BRINP3: variants seen among roughly 807,000 people sequenced by gnomAD.
BRINP3 encodes BMP/retinoic acid-inducible neural-specific protein 3.
In BRINP3, 19 loss-of-function variants were observed where a neutral mutation model predicts 71.0. That is an observed-to-expected ratio of 0.27 (90% confidence interval 0.19 to 0.39). The LOEUF is 0.39. Ranked by LOEUF, BRINP3 falls within the 10% of genes least tolerant of loss-of-function variation. The pLI is 1.00. For missense variants in BRINP3, 959 were observed against 940.8 expected, an observed-to-expected ratio of 1.02 and a Z score of -0.25; for synonymous variants, 380 against 337.7, an observed-to-expected ratio of 1.13 and a Z score of -1.37.
chr1:190,105,037 A>G (rs970968330), intron 7 of BRINP3, among the ~76,000 whole-genome samples: 1 of 152,104 alleles, frequency 6.6e-6, no homozygotes, highest in Non-Finnish European at 1.5e-5. Flanking sequence ...ATTTGGAATT[A>G]GGCATCCACA....
intron 2 of BRINP3, among the ~76,000 whole-genome samples, chr1:190,382,023 A>G (rs1670580833): frequency 6.6e-6 from 1 of 152,170 alleles, no homozygotes; most frequent in Admixed American, 6.6e-5. Flanking sequence ...CACATATTGC[A>G]TACGACCATT....
chr1:190,111,552 CTTAGAG>C (rs1019516359), intron 7 of BRINP3, among the ~76,000 whole-genome samples: 8 of 152,044 alleles, frequency 5.3e-5, no homozygotes, highest in African/African-American at 1.9e-4. Flanking sequence ...TCCAGTTTCC[CTTAGAG>C]TTAGAGGTAG....
chr1:190,470,170 G>A (rs1161544024), intron 1 of BRINP3, among the ~76,000 whole-genome samples: 3 of 150,884 alleles, frequency 2.0e-5, no homozygotes, highest in Non-Finnish European at 3.0e-5. Context: ...ATTAACAAAT[G>A]CAACAGTCCA....
At chr1:190,417,183 A>T (rs952727817) in intron 2 of BRINP3, among the ~76,000 whole-genome samples, 1 of 152,242 alleles carries the variant, frequency 6.6e-6, no homozygotes, top group South Asian at 2.1e-4. Flanking sequence ...TAAGGTAAAT[A>T]AAACTCGTTT....
chr1:190,419,694 C>T (rs1037866559), intron 2 of BRINP3, among the ~76,000 whole-genome samples: 4 of 147,870 alleles, frequency 2.7e-5, no homozygotes, highest in African/African-American at 9.8e-5. Flanking sequence ...CATTTATACA[C>T]ACACACACAC....
intron 3 of BRINP3, among the ~76,000 whole-genome samples, chr1:190,270,110 G>T (rs1229339501): frequency 2.0e-5 from 3 of 151,690 alleles, no homozygotes; most frequent in Admixed American, 2.0e-4. Flanking sequence ...ATAAGAAAAG[G>T]GTAGATACAA....
chr1:190,439,813 T>C (rs1674699014), intron 2 of BRINP3, among the ~76,000 whole-genome samples: 1 of 151,994 alleles, frequency 6.6e-6, no homozygotes, highest in Non-Finnish European at 1.5e-5. Context: ...TTTCCTATAA[T>C]AAAGCATTCA....
At chr1:190,403,178 C>G (rs1023408476) in intron 2 of BRINP3, among the ~76,000 whole-genome samples, 1 of 151,976 alleles carries the variant, frequency 6.6e-6, no homozygotes, top group African/African-American at 2.4e-5. Flanking sequence ...AACGAATACA[C>G]CAAAAAGAAA....
chr1:190,212,930 A>G (rs1656111831), intron 6 of BRINP3, among the ~76,000 whole-genome samples: 1 of 152,056 alleles, frequency 6.6e-6, no homozygotes, highest in African/African-American at 2.4e-5. Context: ...ATTATTGCAA[A>G]TTGATTTTAA....
chr1:190,420,317 G>C (rs184920388), intron 2 of BRINP3, among the ~76,000 whole-genome samples: 1 of 152,058 alleles, frequency 6.6e-6, no homozygotes, highest in East Asian at 1.9e-4. Context: ...TAGCATGTGT[G>C]CAAAAAGTTG....
At chr1:190,335,863 A>T (rs1667253218) in intron 2 of BRINP3, among the ~76,000 whole-genome samples, 1 of 151,972 alleles carries the variant, frequency 6.6e-6, no homozygotes, top group South Asian at 2.1e-4. Context: ...TGGTAGACAA[A>T]CTCAAGGAAT....
intron 1 of BRINP3, among the ~76,000 whole-genome samples, chr1:190,464,156 A>T (rs1294430113): frequency 1.3e-5 from 2 of 151,728 alleles, no homozygotes; most frequent in East Asian, 1.9e-4. Flanking sequence ...TAAAAAAAAA[A>T]GTAAACTAAA....
intron 2 of BRINP3, among the ~76,000 whole-genome samples, chr1:190,345,629 C>G (rs1473454256): frequency 6.9e-6 from 1 of 145,900 alleles, no homozygotes; most frequent in African/African-American, 2.5e-5. Flanking sequence ...AAGATTATTG[C>G]TAAAACTAGC....
intron 1 of BRINP3, 105 bp from the exon 2 acceptor site, chr1:190,455,045 T>G: frequency 3.5e-6 from 2 of 566,318 alleles, no homozygotes; most frequent in Non-Finnish European, 3.1e-6. Context: ...ATCATTGTTT[T>G]AAATTAGTAT....
intron 7 of BRINP3, among the ~76,000 whole-genome samples, chr1:190,121,165 C>G (rs1185886404): frequency 6.6e-6 from 1 of 152,118 alleles, no homozygotes; most frequent in Non-Finnish European, 1.5e-5. Flanking sequence ...CTAAATCTAA[C>G]ACAAAACCGG....
At chr1:190,277,653 T>C (rs977229193) in intron 3 of BRINP3, among the ~76,000 whole-genome samples, 1 of 151,772 alleles carries the variant, frequency 6.6e-6, no homozygotes, top group Admixed American at 6.6e-5. Context: ...TATTCACTTA[T>C]ATTTTGTATT....
At chr1:190,392,361 A>G (rs1017370579) in intron 2 of BRINP3, among the ~76,000 whole-genome samples, 1 of 151,576 alleles carries the variant, frequency 6.6e-6, no homozygotes, top group Non-Finnish European at 1.5e-5. Flanking sequence ...TTTAATTCTC[A>G]TAACATTTCT....
At chr1:190,112,509 C>T (rs1216736948) in intron 7 of BRINP3, among the ~76,000 whole-genome samples, 4 of 152,126 alleles carry the variant, frequency 2.6e-5, no homozygotes, top group Admixed American at 2.6e-4. Context: ...TTTCACAATG[C>T]TATTTTGTTT....
chr1:190,277,324 C>A (rs1005458276), intron 3 of BRINP3, among the ~76,000 whole-genome samples: 1 of 150,792 alleles, frequency 6.6e-6, no homozygotes, highest in Admixed American at 6.7e-5. Flanking sequence ...CAGGAGATCA[C>A]AGGCTTTGTT....
Sources: gnomAD v4.1 joint callset for allele counts (sites outside exome capture counted in the v4.1 genomes callset) on GRCh38, gnomAD v4.1.1 for gene constraint, MANE v1.5 for transcripts, NCBI Gene and HGNC (gene_info 2026-07-23, HGNC 2026-07-21) for gene names.